Variants in RAB43 observed in about 807,000 individuals in gnomAD.
The protein encoded by RAB43 is RAB43, member RAS oncogene family.
Under a neutral mutation model 18.8 loss-of-function variants are expected in RAB43, and 6 were observed. The ratio of observed to expected loss-of-function variants is 0.32; its 90% CI spans 0.17 to 0.63. The LOEUF (loss-of-function observed/expected upper bound fraction) is 0.63, where lower values mean the gene tolerates loss of function less well. RAB43 is among the 30% of genes least tolerant of loss of function. The pLI, the probability that RAB43 is intolerant of heterozygous loss-of-function variation, is 0.79. For missense variants in RAB43, 195 were observed against 289.1 expected, an observed-to-expected ratio of 0.67 and a Z score of 2.36; for synonymous variants, 103 against 124.1, an observed-to-expected ratio of 0.83 and a Z score of 1.13.
chr3:129,110,566 C>G (rs909222563), intron 1 of RAB43, among the ~76,000 whole-genome samples: 1 of 152,170 alleles, frequency 6.6e-6, no homozygotes, highest in African/African-American at 2.4e-5. Flanking sequence ...TGGCTGGGCG[C>G]GGTGGCTCAC....
chr3:129,120,051 C>T (rs538646702), intron 1 of RAB43, among the ~76,000 whole-genome samples: 1 of 152,238 alleles, frequency 6.6e-6, no homozygotes, highest in Non-Finnish European at 1.5e-5. Context: ...TTTCCATCCA[C>T]GGAGACCAAA....
At chr3:129,119,106 G>A (rs1412663894) in intron 1 of RAB43, among the ~76,000 whole-genome samples, 1 of 152,202 alleles carries the variant, frequency 6.6e-6, no homozygotes, top group Non-Finnish European at 1.5e-5. Context: ...CACCTCAAGT[G>A]GTGAAGGTTT....
At chr3:129,097,091 C>T (rs1208186815) in intron 1 of RAB43, among the ~76,000 whole-genome samples, 4 of 151,446 alleles carry the variant, frequency 2.6e-5, no homozygotes, top group African/African-American at 9.7e-5. Context: ...CCAGCCTGGA[C>T]GACAGAGTGA....
At chr3:129,116,139 G>C (rs1389685342) in intron 1 of RAB43, among the ~76,000 whole-genome samples, 1 of 152,220 alleles carries the variant, frequency 6.6e-6, no homozygotes, top group African/African-American at 2.4e-5. Flanking sequence ...GGGCATGTAT[G>C]TATAAGACAA....
chr3:129,110,622 A>C (rs1012250398), intron 1 of RAB43, among the ~76,000 whole-genome samples: 3 of 152,004 alleles, frequency 2.0e-5, no homozygotes, highest in Non-Finnish European at 4.4e-5. Context: ...GCGGATCACG[A>C]GGTCAGAAGA....
At chr3:129,106,906 T>C (rs558566589) in intron 1 of RAB43, among the ~76,000 whole-genome samples, 1 of 152,330 alleles carries the variant, frequency 6.6e-6, no homozygotes, top group African/African-American at 2.4e-5. Flanking sequence ...TGCGTTCCTG[T>C]TCCTGTACTC....
At chr3:129,109,284 C>T (rs989774536) in intron 1 of RAB43, among the ~76,000 whole-genome samples, 2 of 151,958 alleles carry the variant, frequency 1.3e-5, no homozygotes, top group Non-Finnish European at 2.9e-5. Flanking sequence ...GTGGCGGGTG[C>T]CTGTACTTCC....
At chr3:129,113,133 G>A (rs1186904572) in intron 1 of RAB43, among the ~76,000 whole-genome samples, 2 of 150,972 alleles carry the variant, frequency 1.3e-5, no homozygotes, top group Non-Finnish European at 2.9e-5. Flanking sequence ...TCATATACAC[G>A]TTTGAGTTTT....
chr3:129,113,378 C>T (rs1453117011), intron 1 of RAB43, among the ~76,000 whole-genome samples: 1 of 151,894 alleles, frequency 6.6e-6, no homozygotes, highest in Non-Finnish European at 1.5e-5. Flanking sequence ...GTTGGCCAGG[C>T]TGGTCTTGAA....
intron 1 of RAB43, among the ~76,000 whole-genome samples, chr3:129,115,094 T>A (rs763622409): frequency 6.6e-5 from 10 of 152,162 alleles, no homozygotes; most frequent in African/African-American, 2.4e-4. Context: ...TAAGACAGAT[T>A]TGAAGAGGTA....
intron 1 of RAB43, among the ~76,000 whole-genome samples, chr3:129,103,634 T>C (rs1934571003): frequency 6.6e-6 from 1 of 152,070 alleles, no homozygotes; most frequent in African/African-American, 2.4e-5. Flanking sequence ...GCACGATCTC[T>C]GCTCGCTGCA....
At chr3:129,094,053 ATCCT>A (rs1005533118) in intron 2 of RAB43, among the ~76,000 whole-genome samples, 3 of 152,230 alleles carry the variant, frequency 2.0e-5, no homozygotes, top group African/African-American at 7.2e-5. Flanking sequence ...GGTAAACAGC[ATCCT>A]TCCACAGCAG....
At chr3:129,118,032 G>A (rs189350059) in intron 1 of RAB43, among the ~76,000 whole-genome samples, 54 of 152,340 alleles carry the variant, frequency 3.5e-4, no homozygotes, top group African/African-American at 1.2e-3. Flanking sequence ...TAGAGGACCT[G>A]GGAGATCAGG....
chr3:129,119,129 T>C (rs1935735930), intron 1 of RAB43, among the ~76,000 whole-genome samples: 1 of 152,180 alleles, frequency 6.6e-6, no homozygotes, highest in Non-Finnish European at 1.5e-5. Context: ...CGTGTGTAAA[T>C]TAGACCTCAA....
At chr3:129,104,869 C>G (rs1396583855) in intron 1 of RAB43, among the ~76,000 whole-genome samples, 3 of 152,168 alleles carry the variant, frequency 2.0e-5, no homozygotes, top group Non-Finnish European at 4.4e-5. Flanking sequence ...TCCTACCTAC[C>G]CTTCAGGACC....
chr3:129,113,548 GTGAAAACC>G (rs1935305417), intron 1 of RAB43, among the ~76,000 whole-genome samples: 2 of 152,168 alleles, frequency 1.3e-5, no homozygotes, highest in South Asian at 4.1e-4. Flanking sequence ...ACGAGCACAG[GTGAAAACC>G]TCTAACAAGT....
At chr3:129,118,919 A>G (rs1275722865) in intron 1 of RAB43, among the ~76,000 whole-genome samples, 1 of 152,236 alleles carries the variant, frequency 6.6e-6, no homozygotes, top group African/African-American at 2.4e-5. Flanking sequence ...TTTCAGTTAA[A>G]ATCACACTGC....
chr3:129,101,852 C>T lies in RAB43; in HGVS notation c.205-6683G>A, dbSNP rs550989130. ...CAGGCAGGGAAATATGAGCCAGTCT[C>T]CTCTTTTCTCCCACTCACATATCTT... is the stretch of plus-strand genomic sequence containing the variant. On this transcript the variant is annotated intron_variant, in intron 1 of 2. Transcript: ENST00000315150. Among the ~76,000 whole-genome samples, 4 of 152,314 alleles carry T rather than the reference C, an allele frequency of 2.6e-5. No individual in the cohort carries two copies. The South Asian group carries it at 8.3e-4, about 32-fold the overall frequency.
Position 129,091,212 on chromosome 3 carries a change from T to C in RAB43, c.523A>G (p.Arg175Gly), listed in dbSNP as rs1414880327. ...CGCATGATGAGCTCCGTGGCCACCC[T>C]CAGGAAGGCCTCCTCCACGTTGCTC... ...DSSNVEEAFL[R>G]VATELIMRHG... is the part of the protein sequence containing the mutation. The change falls in exon 3 of 3, where the codon AGG becomes GGG. Residue 175 changes from arginine (R) to glycine (G), a missense_variant. Physicochemically the swap from Arg to Gly is moderately radical, Grantham distance 125. Transcript: ENST00000315150. 3 of 1,591,192 alleles carry C rather than the reference T, an allele frequency of 1.9e-6. No individual in the cohort carries two copies. The highest frequency in any genetic ancestry group is 4.5e-5 in the East Asian group (2 of 44,032).
Sources: allele counts gnomAD v4.1 joint callset (sites outside exome capture counted in the v4.1 genomes callset), GRCh38; gene constraint gnomAD v4.1.1; transcripts MANE v1.5; gene names NCBI Gene and HGNC (gene_info 2026-07-23, HGNC 2026-07-21).